FAM178B: variants seen among roughly 807,000 people sequenced by gnomAD.
FAM178B encodes the protein family with sequence similarity 178 member B, also known as protein FAM178B.
Under a neutral mutation model 91.7 loss-of-function variants are expected in FAM178B, and 82 were observed. That is an observed-to-expected ratio of 0.89 (90% CI 0.75 to 1.07). The LOEUF is 1.07. FAM178B is among the 50% of genes least tolerant of loss of function. The pLI is 0.00. For synonymous variants in FAM178B, 368 were observed against 359.4 expected, an observed-to-expected ratio of 1.02 and a Z score of -0.27; for missense variants, 769 against 846.7, an observed-to-expected ratio of 0.91 and a Z score of 1.14.
intron 8 of FAM178B, among the ~76,000 whole-genome samples, chr2:96,930,304 T>C (rs1273284794): frequency 7.9e-5 from 12 of 151,406 alleles, no homozygotes; most frequent in Non-Finnish European, 1.8e-4. Flanking sequence ...GGCCTTTTTT[T>C]CTGTCAGACT....
At chr2:96,977,477 G>C (rs2082306827) in intron 1 of FAM178B, among the ~76,000 whole-genome samples, 1 of 149,108 alleles carries the variant, frequency 6.7e-6, no homozygotes, top group African/African-American at 2.5e-5. Flanking sequence ...TTTTGGTGGG[G>C]AGGGTCAAGA....
intron 14 of FAM178B, among the ~76,000 whole-genome samples, chr2:96,887,086 G>A (rs2080543634): frequency 1.3e-5 from 2 of 152,048 alleles, no homozygotes; most frequent in South Asian, 2.1e-4. Context: ...GTGGTGGTGG[G>A]CGCCTGTAGT....
At chr2:96,920,835 G>A (rs2153370820) in intron 12 of FAM178B, among the ~76,000 whole-genome samples, 1 of 152,314 alleles carries the variant, frequency 6.6e-6, no homozygotes, top group East Asian at 1.9e-4. Flanking sequence ...GGAGTCGGGT[G>A]ATCAGGGGAC....
chr2:96,975,239 GTATA>G lies in FAM178B; in HGVS notation c.74-2637_74-2634del, dbSNP rs552509708. Among the ~76,000 whole-genome samples the G allele has an allele frequency of 4.7e-3, 720 of 152,070 alleles. 3 individuals carry two copies. The highest frequency in any genetic ancestry group is 0.01 in the Middle Eastern group (3 of 294). On this transcript the variant is annotated intron_variant, in intron 1 of 16. Transcript: ENST00000490605. The stretch of plus-strand genomic sequence containing the variant: ...ATGACAGAATAACAATGTACAGTAT[GTATA>G]GTTATGCACTATGTATAGTTATGTA...
rs78663167 is a variant in FAM178B at position 96,965,825 on chromosome 2, G to T, written c.734+1695C>A. ...CCAGTTGCTCAGACCTAAGCTCCGG[G>T]GGTCCCTTTTGAGTCCTCTCTTACT... On this transcript the variant is annotated intron_variant, in intron 5 of 16. Coordinates refer to ENST00000490605, the MANE Select transcript of FAM178B (RefSeq NM_001122646.3). 7.5e-3 allele frequency among the ~76,000 whole-genome samples: 1,144 copies of T among 152,012 alleles called. 11 individuals are homozygous for T. Among genetic ancestry groups the T allele is most frequent in the African/African-American group, 0.026 (1,084 of 41,444 alleles).
At chr2:96,953,754 G>A (rs577818367) in intron 6 of FAM178B, among the ~76,000 whole-genome samples, 2 of 152,312 alleles carry the variant, frequency 1.3e-5, no homozygotes, top group East Asian at 1.9e-4. Context: ...GTGCATGCTC[G>A]GTGGGACGGG....
intron 12 of FAM178B, among the ~76,000 whole-genome samples, chr2:96,903,274 C>T (rs1401731981): frequency 2.0e-5 from 3 of 152,312 alleles, no homozygotes; most frequent in Middle Eastern, 3.4e-3. Context: ...CTCCTGACCT[C>T]GTGATCCGCT....
Position 96,978,111 on chromosome 2 carries a change from C to T in FAM178B, c.74-5505G>A, listed in dbSNP as rs1184592412. On this transcript the variant is annotated intron_variant, in intron 1 of 16. Coordinates refer to ENST00000490605, the MANE Select transcript of FAM178B (RefSeq NM_001122646.3). ...TGACTCAGTTCTCTTCTTTCCTCAC[C>T]TTAGTGCACGGAAGTCGTCTCATCT... is the stretch of plus-strand genomic sequence containing the variant. 4.6e-5 allele frequency among the ~76,000 whole-genome samples: 7 copies of T among 152,302 alleles called. No individual in the cohort carries two copies. The East Asian group carries it at 1.4e-3, about 29-fold the overall frequency.
At chr2:96,970,990 A>G (rs750956528) in intron 3 of FAM178B, among the ~76,000 whole-genome samples, 4 of 149,566 alleles carry the variant, frequency 2.7e-5, no homozygotes, top group Non-Finnish European at 6.0e-5. Context: ...TTCCCTCCCC[A>G]CAGGTGCCCA....
At chr2:96,918,476 T>C (rs1232045865) in intron 12 of FAM178B, among the ~76,000 whole-genome samples, 3 of 152,224 alleles carry the variant, frequency 2.0e-5, no homozygotes, top group East Asian at 1.9e-4. Flanking sequence ...ACTCACCAGA[T>C]TGACTAAAAC....
At chr2:96,878,339 C>T in intron 15 of FAM178B, 77 bp downstream of exon 15, 1 of 1,429,294 alleles carries the variant, frequency 7.0e-7, no homozygotes, top group South Asian at 1.2e-5. Context: ...GGGCGCCATC[C>T]CAGCCAACCC....
In FAM178B at chr2:96,876,236, G is replaced by A. The variant is rs1222232861; in HGVS notation, c.*40C>T. The A allele has an allele frequency of 2.5e-6, 4 of 1,594,788 alleles. No homozygotes were observed. In the Admixed American group the frequency reaches 5.2e-5, roughly 21 times the overall value. On this transcript the variant is annotated 3_prime_UTR_variant, in exon 17 of 17. Coordinates refer to ENST00000490605, the MANE Select transcript of FAM178B (RefSeq NM_001122646.3). The stretch of plus-strand genomic sequence containing the variant: ...AGTTCCCTGAGCCTGTTCACTTCCT[G>A]CTGAAGCCAGGAGCCCTGGGCTGCC...
At chr2:96,913,040 AG>A (rs989633373) in intron 12 of FAM178B, among the ~76,000 whole-genome samples, 4 of 152,246 alleles carry the variant, frequency 2.6e-5, no homozygotes, top group Non-Finnish European at 4.4e-5. Context: ...TAGGAGACGC[AG>A]GAACGCATTT....
intron 12 of FAM178B, among the ~76,000 whole-genome samples, chr2:96,912,573 G>C (rs947751269): frequency 7.2e-5 from 11 of 152,100 alleles, no homozygotes; most frequent in Non-Finnish European, 8.8e-5. Flanking sequence ...GGAGCAGCTT[G>C]GCTGGAGTGC....
intron 9 of FAM178B, among the ~76,000 whole-genome samples, chr2:96,927,403 G>C (rs1265659795): frequency 6.6e-6 from 1 of 152,170 alleles, no homozygotes; most frequent in Non-Finnish European, 1.5e-5. Context: ...TCCTCTGATG[G>C]GAAATGGTGT....
intron 12 of FAM178B, 70 bp from the exon 13 acceptor site, chr2:96,902,777 C>A: frequency 8.4e-7 from 1 of 1,193,302 alleles, no homozygotes; most frequent in South Asian, 1.3e-5. Flanking sequence ...GGGCAGGATA[C>A]CCATGGAGAG....
chr2:96,957,640 G>A (rs1178674711), intron 6 of FAM178B, among the ~76,000 whole-genome samples: 2 of 152,114 alleles, frequency 1.3e-5, no homozygotes, highest in African/African-American at 2.4e-5. Flanking sequence ...ACCTGCTGTC[G>A]GCACAAACTC....
intron 12 of FAM178B, among the ~76,000 whole-genome samples, chr2:96,914,695 G>A (rs552514699): frequency 5.5e-4 from 84 of 152,264 alleles, no homozygotes; most frequent in African/African-American, 1.9e-3. Flanking sequence ...CTAAGACCAG[G>A]CTGGGGAACA....
chr2:96,919,540 G>A (rs1278892812), intron 12 of FAM178B, among the ~76,000 whole-genome samples: 3 of 152,228 alleles, frequency 2.0e-5, no homozygotes, highest in Non-Finnish European at 2.9e-5. Flanking sequence ...AGGCAGAAAG[G>A]ACAGGATTTA....
Sources: allele counts gnomAD v4.1 joint callset (sites outside exome capture counted in the v4.1 genomes callset), GRCh38; gene constraint gnomAD v4.1.1; transcripts MANE v1.5; gene names NCBI Gene and HGNC (gene_info 2026-07-23, HGNC 2026-07-21).